Variants in HEPHL1 observed in about 807,000 individuals in gnomAD.
HEPHL1 encodes ferroxidase HEPHL1.
HEPHL1 carries 123 observed loss-of-function variants against 122.0 expected under a neutral mutation model. The ratio of observed to expected loss-of-function variants is 1.01; its 90% CI spans 0.87 to 1.17. The LOEUF is 1.17. Ranked by LOEUF, HEPHL1 falls within the 50% of genes most tolerant of loss-of-function variation. HEPHL1 has a pLI of 0.00. For synonymous variants in HEPHL1, 527 were observed against 508.9 expected (o/e 1.04, Z -0.48); for missense variants, 1,452 against 1,430.5 (o/e 1.01, Z -0.24).
chr11:94,074,383 T>C (rs1191771309), intron 8 of HEPHL1, among the ~76,000 whole-genome samples: 1 of 152,080 alleles, frequency 6.6e-6, no homozygotes, highest in Non-Finnish European at 1.5e-5. Flanking sequence ...GTTATAATCA[T>C]GCCACTGTAC....
chr11:94,046,034 T>C, intron 2 of HEPHL1, 117 bp downstream of exon 2: 1 of 785,082 alleles, frequency 1.3e-6, no homozygotes, highest in Non-Finnish European at 1.9e-6. Context: ...ATCTTCTCTC[T>C]GTCTGCTTCT....
At chr11:94,022,500 C>T (rs916924434) in intron 1 of HEPHL1, among the ~76,000 whole-genome samples, 1 of 152,184 alleles carries the variant, frequency 6.6e-6, no homozygotes, top group Non-Finnish European at 1.5e-5. Flanking sequence ...TCTTTAAGAG[C>T]CAGGGCCCCT....
intron 13 of HEPHL1, among the ~76,000 whole-genome samples, chr11:94,098,897 TC>T (rs1350520207): frequency 6.6e-6 from 1 of 152,204 alleles, no homozygotes; most frequent in Non-Finnish European, 1.5e-5. Context: ...CACTGGTTAT[TC>T]TAGTTAGCCA....
chr11:94,101,377 T>C (rs780890619), intron 14 of HEPHL1, 42 bp downstream of exon 14: 2 of 1,586,152 alleles, frequency 1.3e-6, no homozygotes, highest in South Asian at 2.3e-5. Flanking sequence ...AAGAAGAACA[T>C]TGGCGTCAAC....
chr11:94,033,481 T>A (rs1051069044), intron 1 of HEPHL1, among the ~76,000 whole-genome samples: 3 of 152,146 alleles, frequency 2.0e-5, no homozygotes, highest in Non-Finnish European at 4.4e-5. Flanking sequence ...ACTATGTGCT[T>A]GGAGTGCCCC....
intron 2 of HEPHL1, among the ~76,000 whole-genome samples, chr11:94,061,690 C>A (rs1330467854): frequency 3.3e-5 from 5 of 151,942 alleles, no homozygotes; most frequent in Non-Finnish European, 7.4e-5. Context: ...ATGATTCTGT[C>A]AAAATACTAT....
chr11:94,057,125 T>C (rs1384301005), intron 2 of HEPHL1, among the ~76,000 whole-genome samples: 1 of 152,186 alleles, frequency 6.6e-6, no homozygotes, highest in Non-Finnish European at 1.5e-5. Context: ...CCATTAATCA[T>C]ATTGATGCTC....
intron 13 of HEPHL1, among the ~76,000 whole-genome samples, chr11:94,094,873 TC>T (rs1232488481): frequency 6.6e-6 from 1 of 152,210 alleles, no homozygotes; most frequent in Non-Finnish European, 1.5e-5. Flanking sequence ...TTGTTTGAGT[TC>T]TTTGTAGATT....
At chr11:94,041,114 C>T (rs1332098903) in intron 1 of HEPHL1, among the ~76,000 whole-genome samples, 1 of 144,534 alleles carries the variant, frequency 6.9e-6, no homozygotes, top group Admixed American at 6.9e-5. Context: ...GAGTGAACTC[C>T]CATTCACAAT....
intron 2 of HEPHL1, among the ~76,000 whole-genome samples, chr11:94,060,699 T>G (rs894004785): frequency 2.0e-5 from 3 of 152,202 alleles, no homozygotes; most frequent in Admixed American, 1.3e-4. Context: ...GAATGCATTT[T>G]AGATAACTGA....
intron 2 of HEPHL1, among the ~76,000 whole-genome samples, 153 bp from the exon 3 acceptor site, chr11:94,063,355 T>C (rs1292419285): frequency 6.6e-6 from 1 of 152,204 alleles, no homozygotes; most frequent in Non-Finnish European, 1.5e-5. Context: ...AACAGAGACA[T>C]TGAGAATTTA....
chr11:94,111,953 C>A lies in HEPHL1; in HGVS notation c.*59C>A. ...GTCCCACAGCTGGCCAGATGGCAGC[C>A]AACAGGGAAACTGGACCAAGGCATC... On this transcript the variant is annotated 3_prime_UTR_variant, in exon 20 of 20. Coordinates refer to ENST00000315765, the MANE Select transcript of HEPHL1 (RefSeq NM_001098672.2). The A allele has an allele frequency of 7.7e-7, 1 of 1,291,472 alleles. No homozygotes were observed. The highest frequency in any genetic ancestry group is 1.0e-6 in the Non-Finnish European group (1 of 956,604). 80.0% of individuals were successfully genotyped at this position (1,291,472 alleles called of 1,614,324 possible).
intron 1 of HEPHL1, among the ~76,000 whole-genome samples, chr11:94,023,872 GTGGT>G (rs1945602557): frequency 6.6e-6 from 1 of 152,176 alleles, no homozygotes; most frequent in Admixed American, 6.5e-5. Flanking sequence ...GCTAGTAGTT[GTGGT>G]AGGTGGCTCA....
rs754052406 is a variant in HEPHL1 at position 94,111,048 on chromosome 11, C to T, written c.3191C>T (p.Thr1064Met). Reference sequence around the variant, plus strand: ...CATGCTGGCATGGAGACAACCTACACGGTCCTTCGTAACATAGGTACGGTT... The same window carrying T: ...CATGCTGGCATGGAGACAACCTACATGGTCCTTCGTAACATAGGTACGGTT... ...HIHAGMETTY[T>M]VLRNIDNRIP... The change falls in exon 18 of 20, where the codon ACG (threonine) becomes ATG (methionine). Residue 1064 changes from threonine (T) to methionine (M), a missense_variant. Transcript: ENST00000315765. The T allele has an allele frequency of 1.6e-5, 26 of 1,596,888 alleles. No individual in the cohort carries two copies. Among genetic ancestry groups the T allele is most frequent in the South Asian group, 1.2e-4 (11 of 88,416 alleles).
At chr11:94,084,557 T>C (rs1368261638) in intron 10 of HEPHL1, among the ~76,000 whole-genome samples, 1 of 152,068 alleles carries the variant, frequency 6.6e-6, no homozygotes, top group Non-Finnish European at 1.5e-5. Flanking sequence ...TGCTTTGTGT[T>C]GTGTTTATTA....
rs1283777990 is a variant in HEPHL1, at chr11:94,063,566, T to C, written c.474T>C (p.Pro158=). The C allele has an allele frequency of 6.2e-7, 1 of 1,613,720 alleles. No individual in the cohort carries two copies. The highest frequency in any genetic ancestry group is 1.7e-5 in the Admixed American group (1 of 59,966). Residue 158 remains proline (P), a synonymous_variant, in exon 3 of 20, where the codon CCT becomes CCC. Coordinates refer to ENST00000315765, the MANE Select transcript of HEPHL1 (RefSeq NM_001098672.2). ...ACAAAAATGATGACATGGTTCCTCCTGGGAAAAACTACACCTACGTCTGGC... is the reference window on the plus strand; with the variant it reads ...ACAAAAATGATGACATGGTTCCTCCCGGGAAAAACTACACCTACGTCTGGC... ...GRNKNDDMVP[P]GKNYTYVWPV... is the part of the protein sequence containing the mutation.
At chr11:94,093,889 A>T (rs556126172) in intron 13 of HEPHL1, among the ~76,000 whole-genome samples, 17 of 148,762 alleles carry the variant, frequency 1.1e-4, no homozygotes, top group African/African-American at 4.2e-4. Context: ...ACATCAGGGC[A>T]GTCTAACTGG....
intron 17 of HEPHL1, among the ~76,000 whole-genome samples, chr11:94,106,748 C>T (rs144978216): frequency 1.3e-3 from 191 of 152,324 alleles, no homozygotes; most frequent in Middle Eastern, 3.4e-3. Flanking sequence ...ACACTGACAG[C>T]ATTCGTCCCT....
intron 1 of HEPHL1, among the ~76,000 whole-genome samples, chr11:94,033,024 G>A (rs970587546): frequency 6.6e-6 from 1 of 152,116 alleles, no homozygotes; most frequent in Admixed American, 6.5e-5. Context: ...GAAGAATCAG[G>A]GGAGAAGTGA....
Sources: allele counts gnomAD v4.1 joint callset (sites outside exome capture counted in the v4.1 genomes callset), GRCh38; gene constraint gnomAD v4.1.1; transcripts MANE v1.5; gene names NCBI Gene and HGNC (gene_info 2026-07-23, HGNC 2026-07-21).